The following CSMD2 variants were observed in gnomAD, a reference collection of about 807,000 sequenced individuals.
CSMD2 encodes the protein CUB and sushi domain-containing protein 2.
In CSMD2, 130 loss-of-function variants were observed where a neutral mutation model predicts 398.5. That is an observed-to-expected ratio of 0.33 (90% CI 0.28 to 0.38). The LOEUF (loss-of-function observed/expected upper bound fraction) is 0.38. Among genes scored for constraint, CSMD2 ranks in the 10% least tolerant of loss-of-function variants. CSMD2 has a pLI of 1.00. For synonymous variants in CSMD2, 1,828 were observed against 1,908.5 expected (o/e 0.96, Z 1.10); for missense variants, 3,829 against 4,764.9 (o/e 0.80, Z 5.78).
chr1:33,879,613 T>C (rs1386980536), intron 5 of CSMD2, among the ~76,000 whole-genome samples: 1 of 152,216 alleles, frequency 6.6e-6, no homozygotes, highest in Non-Finnish European at 1.5e-5. Context: ...CTTACAATAT[T>C]GGGTGGCTGA....
intron 53 of CSMD2, among the ~76,000 whole-genome samples, chr1:33,560,904 G>C (rs1658478865): frequency 6.6e-6 from 1 of 152,204 alleles, no homozygotes; most frequent in South Asian, 2.1e-4. Flanking sequence ...TGAATGGATG[G>C]ATGCCTAGGC....
At chr1:34,120,982 A>C (rs1662124584) in intron 1 of CSMD2, among the ~76,000 whole-genome samples, 1 of 152,152 alleles carries the variant, frequency 6.6e-6, no homozygotes, top group African/African-American at 2.4e-5. Flanking sequence ...CCAACATATT[A>C]CATATTTACT....
In CSMD2 at chr1:33,789,729, G is replaced by C. The variant is rs1397893462; in HGVS notation, c.1551-1017C>G. On this transcript the variant is annotated intron_variant, in intron 11 of 70. Coordinates refer to ENST00000373381, the MANE Select transcript of CSMD2 (RefSeq NM_001281956.2). ...GGGATATGGAAGTGGAGCTCGGATA[G>C]AGCACATGGGATCCAACAGCCTGGC... Among the ~76,000 whole-genome samples the C allele has an allele frequency of 2.0e-5, 3 of 152,236 alleles. No individual in the cohort carries two copies. In the East Asian group the frequency reaches 5.8e-4, roughly 29 times the overall value.
chr1:34,014,452 T>A (rs1237813414), intron 3 of CSMD2, among the ~76,000 whole-genome samples: 1 of 152,244 alleles, frequency 6.6e-6, no homozygotes, highest in East Asian at 1.9e-4. Context: ...ACTGGTTGCA[T>A]CTCTGTTCTC....
At chr1:34,104,873 T>A (rs1318464766) in intron 1 of CSMD2, among the ~76,000 whole-genome samples, 1 of 152,202 alleles carries the variant, frequency 6.6e-6, no homozygotes, top group Non-Finnish European at 1.5e-5. Flanking sequence ...CCCTCTCCCC[T>A]GCACAGCATG....
At chr1:33,750,043 CAAT>C (rs565373008) in intron 13 of CSMD2, among the ~76,000 whole-genome samples, 81 of 152,130 alleles carry the variant, frequency 5.3e-4, no homozygotes, top group African/African-American at 1.9e-3. Context: ...AGCCCTACAA[CAAT>C]AAGCCAACAT....
At chr1:33,553,217 A>G (rs1294235185) in intron 55 of CSMD2, among the ~76,000 whole-genome samples, 1 of 152,218 alleles carries the variant, frequency 6.6e-6, no homozygotes, top group Non-Finnish European at 1.5e-5. Flanking sequence ...CAAGCCTAAC[A>G]GCACCATTTT....
At chr1:33,792,558 A>T (rs370391102) in intron 10 of CSMD2, 32 bp from the exon 11 acceptor site, 30 of 1,462,632 alleles carry the variant, frequency 2.1e-5, no homozygotes, top group Non-Finnish European at 2.1e-5. Flanking sequence ...AGGAGCAGGC[A>T]GGGGCTGTGA....
chr1:33,622,387 A>T, intron 36 of CSMD2, 116 bp from the exon 37 acceptor site: 2 of 725,806 alleles, frequency 2.8e-6, no homozygotes, highest in Non-Finnish European at 5.0e-6. Context: ...AGGCCCCCAG[A>T]TGTCCCCAGT....
intron 5 of CSMD2, among the ~76,000 whole-genome samples, chr1:33,849,834 A>G (rs1187850966): frequency 1.3e-5 from 2 of 152,134 alleles, no homozygotes; most frequent in Non-Finnish European, 2.9e-5. Context: ...AATAAATGGT[A>G]ATTTTATTTT....
At chr1:34,037,367 G>GC (rs977523180) in intron 2 of CSMD2, among the ~76,000 whole-genome samples, 2 of 152,268 alleles carry the variant, frequency 1.3e-5, no homozygotes, top group African/African-American at 4.8e-5. Context: ...AGGCCACAGG[G>GC]CCCCCGTTAG....
chr1:33,895,775 C>T lies in CSMD2; in HGVS notation c.920+22319G>A, dbSNP rs1446011961. Among the ~76,000 whole-genome samples, 12 of 152,130 alleles carry T rather than the reference C, an allele frequency of 7.9e-5. No homozygotes were observed. The East Asian group carries it at 1.4e-3, about 17-fold the overall frequency. ...GCATGGGATGCAGGCTGTTCCCAGC[C>T]CCCATGAGTTTGTGGGGTTGTGAAT... is the stretch of plus-strand genomic sequence containing the variant. On this transcript the variant is annotated intron_variant, in intron 5 of 70. Transcript: ENST00000373381.
intron 10 of CSMD2, among the ~76,000 whole-genome samples, chr1:33,799,023 T>C (rs1383076769): frequency 6.6e-6 from 1 of 152,214 alleles, no homozygotes; most frequent in Non-Finnish European, 1.5e-5. Flanking sequence ...CTTTCCTAAC[T>C]GGGCTGTCTG....
intron 19 of CSMD2, among the ~76,000 whole-genome samples, chr1:33,720,174 A>G (rs1001910937): frequency 2.0e-5 from 3 of 152,212 alleles, no homozygotes; most frequent in Non-Finnish European, 4.4e-5. Context: ...GCTCAGTTCA[A>G]TTTGATTCAT....
In CSMD2 at chr1:33,773,922, T is replaced by G. The variant is rs1487174658; in HGVS notation, c.1664-1171A>C. ...AGCCACAGTCCCTGAAGTTGGTGTG[T>G]GTGATCCTGACAGGGATGATTCTGC... is the stretch of plus-strand genomic sequence containing the variant. On this transcript the variant is annotated intron_variant, in intron 12 of 70. Transcript: ENST00000373381. Among the ~76,000 whole-genome samples the G allele has an allele frequency of 2.6e-5, 4 of 152,250 alleles. No individual in the cohort carries two copies. The East Asian group carries it at 7.7e-4, about 29-fold the overall frequency.
intron 4 of CSMD2, among the ~76,000 whole-genome samples, chr1:33,923,694 T>C (rs929800439): frequency 3.9e-5 from 6 of 152,242 alleles, no homozygotes; most frequent in Non-Finnish European, 7.3e-5. Context: ...GTTTTAACTA[T>C]AGTCACCATA....
At position 33,611,155 on chromosome 1, in the gene CSMD2, T is replaced by A. The variant is rs757549555; in HGVS notation, c.6229A>T (p.Arg2077Ter). The change falls in exon 41 of 71, where the codon AGA (arginine) becomes TGA (stop). Residue 2077 changes from arginine (R) to a stop codon, truncating the protein, a stop_gained. Coordinates refer to ENST00000373381, the MANE Select transcript of CSMD2 (RefSeq NM_001281956.2). LOFTEE classifies it high-confidence loss of function. The part of the protein sequence containing the change: ...GPYETSRMMG[R>*]FSGSELPSSL... ...CTTGGAAGCTCGCTTCCACTGAATC[T>A]TCCCATCATGCGGCTGGTCTCATAG... The A allele has an allele frequency of 6.2e-7, 1 of 1,614,116 alleles. No individual in the cohort carries two copies. The highest frequency in any genetic ancestry group is 8.5e-7 in the Non-Finnish European group (1 of 1,180,008).
chr1:33,552,814 CT>C (rs1657586848), intron 55 of CSMD2, among the ~76,000 whole-genome samples: 1 of 152,012 alleles, frequency 6.6e-6, no homozygotes, highest in Admixed American at 6.6e-5. Context: ...TTAAGGGCTG[CT>C]TGGGAATGAT....
intron 9 of CSMD2, among the ~76,000 whole-genome samples, chr1:33,817,775 G>A (rs1177348775): frequency 6.6e-6 from 1 of 152,232 alleles, no homozygotes; most frequent in Admixed American, 6.5e-5. Flanking sequence ...GGAAAAAAGA[G>A]ATTCAGAGAG....
Sources: allele counts gnomAD v4.1 joint callset (sites outside exome capture counted in the v4.1 genomes callset), GRCh38; gene constraint gnomAD v4.1.1; transcripts MANE v1.5; gene names NCBI Gene and HGNC (gene_info 2026-07-23, HGNC 2026-07-21).